The following GRIK2 variants were observed in gnomAD, a reference collection of about 807,000 sequenced individuals.
GRIK2 encodes the protein glutamate ionotropic receptor kainate type subunit 2, also known as glutamate receptor ionotropic, kainate 2.
Under a neutral mutation model 100.3 loss-of-function variants are expected in GRIK2, and 32 were observed. That is an observed-to-expected ratio of 0.32 (90% CI 0.24 to 0.43). GRIK2 has a LOEUF of 0.43. GRIK2 is among the 20% of genes least tolerant of loss of function. GRIK2 has a pLI of 1.00. For missense variants in GRIK2, 843 were observed against 1,114.9 expected (o/e 0.76, Z 3.47); for synonymous variants, 417 against 389.4 (o/e 1.07, Z -0.83).
intron 7 of GRIK2, among the ~76,000 whole-genome samples, chr6:101,789,661 T>C (rs1258193262): frequency 6.6e-6 from 1 of 152,204 alleles, no homozygotes; most frequent in Non-Finnish European, 1.5e-5. Context: ...CTTTGTTCTT[T>C]TGGCTTAGGA....
At chr6:101,815,610 G>A (rs1322432935) in intron 9 of GRIK2, among the ~76,000 whole-genome samples, 3 of 138,998 alleles carry the variant, frequency 2.2e-5, no homozygotes, top group South Asian at 2.3e-4. Flanking sequence ...TCTTAATTGC[G>A]TTTCAGAGCT....
chr6:102,041,325 T>G (rs1582772403), intron 15 of GRIK2, among the ~76,000 whole-genome samples: 1 of 151,842 alleles, frequency 6.6e-6, no homozygotes, highest in Non-Finnish European at 1.5e-5. Context: ...ATTCATTTAC[T>G]TATTAGTCCA....
At chr6:101,527,480 G>A (rs571032300) in intron 2 of GRIK2, among the ~76,000 whole-genome samples, 52 of 152,284 alleles carry the variant, frequency 3.4e-4, no homozygotes, top group African/African-American at 1.2e-3. Context: ...ATGATCATGA[G>A]ATATTTGGAA....
At chr6:101,464,629 G>A (rs1366622822) in intron 2 of GRIK2, among the ~76,000 whole-genome samples, 1 of 140,086 alleles carries the variant, frequency 7.1e-6, no homozygotes, top group African/African-American at 2.7e-5. Flanking sequence ...CCATTCTCCC[G>A]CCTCAGCCTC....
chr6:101,537,810 C>T (rs1298153109), intron 2 of GRIK2, among the ~76,000 whole-genome samples: 3 of 151,714 alleles, frequency 2.0e-5, no homozygotes, highest in African/African-American at 7.3e-5. Flanking sequence ...ATGCCACTGC[C>T]ATCAAACAAA....
chr6:101,639,058 T>G (rs1397034432), intron 4 of GRIK2, among the ~76,000 whole-genome samples: 1 of 151,916 alleles, frequency 6.6e-6, no homozygotes, highest in African/African-American at 2.4e-5. Context: ...TTCTTGTTGT[T>G]AAGAGGGAGT....
chr6:101,422,859 A>C (rs1190047021), intron 2 of GRIK2, among the ~76,000 whole-genome samples: 1 of 152,186 alleles, frequency 6.6e-6, no homozygotes, highest in African/African-American at 2.4e-5. Flanking sequence ...ATATGTGGAC[A>C]TCACTTAGAA....
intron 2 of GRIK2, among the ~76,000 whole-genome samples, chr6:101,593,793 CAT>C (rs1422266439): frequency 1.3e-5 from 2 of 151,870 alleles, no homozygotes; most frequent in African/African-American, 4.8e-5. Flanking sequence ...ATGACAGCTT[CAT>C]ATGTTACTTT....
At chr6:101,737,820 G>C (rs1338678765) in intron 7 of GRIK2, among the ~76,000 whole-genome samples, 4 of 151,752 alleles carry the variant, frequency 2.6e-5, no homozygotes, top group African/African-American at 9.7e-5. Context: ...TGGTTTTTTT[G>C]GCTGTAGATG....
chr6:101,923,228 TTTGA>T (rs757838710), intron 12 of GRIK2, among the ~76,000 whole-genome samples: 62 of 152,282 alleles, frequency 4.1e-4, no homozygotes, highest in South Asian at 1.4e-3. Flanking sequence ...TTCAAATAAC[TTTGA>T]TTGGATGTAA....
intron 15 of GRIK2, among the ~76,000 whole-genome samples, chr6:102,041,100 A>G (rs759024160): frequency 9.2e-5 from 14 of 151,636 alleles, no homozygotes; most frequent in Non-Finnish European, 1.2e-4. Context: ...TAAGCATCTC[A>G]ATAAGTTATG....
chr6:101,970,060 T>G (rs1455119411), intron 14 of GRIK2, among the ~76,000 whole-genome samples: 1 of 152,080 alleles, frequency 6.6e-6, no homozygotes, highest in Non-Finnish European at 1.5e-5. Flanking sequence ...ACATGCCTAT[T>G]TTTATATCTA....
At chr6:101,699,240 C>A (rs971794771) in intron 7 of GRIK2, among the ~76,000 whole-genome samples, 9 of 152,114 alleles carry the variant, frequency 5.9e-5, no homozygotes, top group African/African-American at 2.2e-4. Flanking sequence ...TCCTTTCTTC[C>A]ATTGCCTTGA....
intron 7 of GRIK2, among the ~76,000 whole-genome samples, chr6:101,762,045 C>T (rs1295820804): frequency 9.6e-6 from 1 of 104,636 alleles, no homozygotes; most frequent in Non-Finnish European, 1.8e-5. Context: ...CTTTTCCTTC[C>T]TTTCCTTCCT....
intron 14 of GRIK2, among the ~76,000 whole-genome samples, chr6:101,934,737 A>G (rs1790512198): frequency 6.6e-6 from 1 of 151,922 alleles, no homozygotes; most frequent in Admixed American, 6.6e-5. Context: ...TGGTAATATA[A>G]GTATAATATA....
chr6:101,698,224 T>A (rs926101750), intron 7 of GRIK2, among the ~76,000 whole-genome samples: 2 of 152,046 alleles, frequency 1.3e-5, no homozygotes, highest in Admixed American at 6.6e-5. Context: ...AGGCAAATTT[T>A]AAAAAATGTA....
intron 11 of GRIK2, among the ~76,000 whole-genome samples, chr6:101,876,360 A>G (rs1414986192): frequency 4.6e-5 from 7 of 152,042 alleles, no homozygotes; most frequent in East Asian, 3.9e-4. Flanking sequence ...ATCCTTTTTT[A>G]TAAATAATAA....
chr6:101,666,828 A>T (rs1025918299), intron 4 of GRIK2, among the ~76,000 whole-genome samples: 14 of 152,166 alleles, frequency 9.2e-5, no homozygotes, highest in Non-Finnish European at 1.5e-4. Context: ...TGCAGGCAAG[A>T]TTTTGAGATC....
intron 12 of GRIK2, among the ~76,000 whole-genome samples, chr6:101,899,700 A>C (rs1298987849): frequency 1.3e-5 from 2 of 152,150 alleles, no homozygotes; most frequent in African/African-American, 4.8e-5. Context: ...TTCCTATTAA[A>C]TGGATAAACT....
Sources: gnomAD v4.1 joint callset for allele counts (sites outside exome capture counted in the v4.1 genomes callset) on GRCh38, gnomAD v4.1.1 for gene constraint, MANE v1.5 for transcripts, NCBI Gene and HGNC (gene_info 2026-07-23, HGNC 2026-07-21) for gene names.